LRRC28: variants seen among roughly 807,000 people sequenced by gnomAD.
LRRC28 encodes the protein leucine rich repeat containing 28.
A neutral mutation model predicts 45.7 loss-of-function variants in LRRC28; 39 were observed. That is an observed-to-expected ratio of 0.85 (90% CI 0.66 to 1.12). The LOEUF (loss-of-function observed/expected upper bound fraction) is 1.12. LRRC28 is among the 50% of genes most tolerant of loss of function. The probability of loss-of-function intolerance (pLI) is 0.00; values close to 1 mark genes in which losing one functional copy is unlikely to be tolerated. For synonymous variants in LRRC28, 206 were observed against 178.8 expected (o/e 1.15, Z -1.22); for missense variants, 435 against 438.5 (o/e 0.99, Z 0.07).
rs763243201 is a variant in LRRC28, at chr15:99,352,403, C to T, written c.627C>T (p.Tyr209=). The change falls in exon 7 of 10, where the codon TAC becomes TAT. Residue 209 remains tyrosine (Y), a synonymous_variant. Coordinates refer to ENST00000301981, the MANE Select transcript of LRRC28 (RefSeq NM_144598.5). ...GATCTCGAGAACTACAGTATGTATACGTGGATAACAACATTCACCTGAAAG... is the reference window on the plus strand; with the variant it reads ...GATCTCGAGAACTACAGTATGTATATGTGGATAACAACATTCACCTGAAAG... ...LGRSRELQYV[Y]VDNNIHLKGL... 3.1e-6 allele frequency: 5 copies of T among 1,613,748 alleles called. No homozygotes were observed. The highest frequency in any genetic ancestry group is 3.3e-5 in the Admixed American group (2 of 59,986).
At chr15:99,256,477 A>T (rs1202938366) in intron 2 of LRRC28, 1 of 159,990 alleles carries the variant, frequency 6.3e-6, no homozygotes, top group Non-Finnish European at 1.4e-5. Context: ...ATATTACAGC[A>T]TTCACCAGAC....
At chr15:99,310,566 T>G (rs1350947948) in intron 5 of LRRC28, among the ~76,000 whole-genome samples, 1 of 152,176 alleles carries the variant, frequency 6.6e-6, no homozygotes, top group Non-Finnish European at 1.5e-5. Context: ...CCTTATAATG[T>G]AATCATGCCA....
At chr15:99,332,524 G>A (rs763158961) in intron 5 of LRRC28, among the ~76,000 whole-genome samples, 18 of 152,300 alleles carry the variant, frequency 1.2e-4, no homozygotes, top group Admixed American at 2.6e-4. Context: ...GCAAAGATCA[G>A]CAAACCTTTT....
At chr15:99,343,306 G>A (rs1956576460) in intron 6 of LRRC28, among the ~76,000 whole-genome samples, 1 of 152,202 alleles carries the variant, frequency 6.6e-6, no homozygotes, top group African/African-American at 2.4e-5. Flanking sequence ...CACAGATCCT[G>A]TTCTGTCCTC....
rs570976843 is a variant in LRRC28, at chr15:99,343,382, GGA to G, written c.593-8985_593-8984del. Among the ~76,000 whole-genome samples the G allele has an allele frequency of 9.0e-3, 1,369 of 152,298 alleles. 9 individuals are homozygous for G. Among genetic ancestry groups the G allele is most frequent in the Non-Finnish European group, 0.015 (995 of 68,026 alleles). On this transcript the variant is annotated intron_variant, in intron 6 of 9. Coordinates refer to ENST00000301981, the MANE Select transcript of LRRC28 (RefSeq NM_144598.5). ...AAAAGGGCAGTAGCCTGAATACACAGGAGCTTTTTGTTCCATTTTCAGCCATG... is the reference window on the plus strand; with the variant it reads ...AAAAGGGCAGTAGCCTGAATACACAGGCTTTTTGTTCCATTTTCAGCCATG...
At chr15:99,259,172 G>A (rs750644132) in intron 2 of LRRC28, 4 of 1,196,794 alleles carry the variant, frequency 3.3e-6, no homozygotes, top group African/African-American at 1.5e-5. Context: ...TCATCCAGCT[G>A]ACATTACTAG....
At chr15:99,287,172 A>C (rs1244151706) in intron 3 of LRRC28, 85 bp from the exon 4 acceptor site, 13 of 1,185,046 alleles carry the variant, frequency 1.1e-5, no homozygotes, top group East Asian at 8.3e-5. Flanking sequence ...ATATTTGATA[A>C]ATTTCTAAGT....
At chr15:99,335,932 G>C (rs1386971845) in intron 6 of LRRC28, among the ~76,000 whole-genome samples, 1 of 152,156 alleles carries the variant, frequency 6.6e-6, no homozygotes, top group Non-Finnish European at 1.5e-5. Context: ...AGAGTTCAGA[G>C]TAAAGTTGCA....
At chr15:99,295,898 C>T (rs2082249321) in intron 5 of LRRC28, among the ~76,000 whole-genome samples, 1 of 152,154 alleles carries the variant, frequency 6.6e-6, no homozygotes, top group African/African-American at 2.4e-5. Flanking sequence ...TTTACTTTTT[C>T]TCCAGTTGAA....
At chr15:99,260,207 A>G (rs1458354869) in intron 2 of LRRC28, among the ~76,000 whole-genome samples, 2 of 152,168 alleles carry the variant, frequency 1.3e-5, no homozygotes, top group Non-Finnish European at 2.9e-5. Flanking sequence ...TACCTCATGA[A>G]TGTAAATTTG....
intron 3 of LRRC28, among the ~76,000 whole-genome samples, chr15:99,281,817 G>C (rs1352128040): frequency 6.6e-6 from 1 of 152,138 alleles, no homozygotes; most frequent in Non-Finnish European, 1.5e-5. Flanking sequence ...AGCTTTCCAG[G>C]ATCTCTCTTG....
chr15:99,347,008 C>T (rs1956704276), intron 6 of LRRC28, among the ~76,000 whole-genome samples: 1 of 152,140 alleles, frequency 6.6e-6, no homozygotes, highest in Admixed American at 6.5e-5. Flanking sequence ...TCTATCATCT[C>T]ACATAGTTTT....
At chr15:99,376,603 T>G (rs1957642252) in intron 9 of LRRC28, among the ~76,000 whole-genome samples, 1 of 152,200 alleles carries the variant, frequency 6.6e-6, no homozygotes, top group Non-Finnish European at 1.5e-5. Context: ...GTTACATATG[T>G]ATACATGTGC....
At chr15:99,295,407 T>C (rs1040605155) in intron 5 of LRRC28, among the ~76,000 whole-genome samples, 3 of 152,226 alleles carry the variant, frequency 2.0e-5, no homozygotes, top group Non-Finnish European at 4.4e-5. Flanking sequence ...AGAGAATTAC[T>C]GTGTACCTAG....
At chr15:99,365,799 A>G (rs924166550) in intron 9 of LRRC28, among the ~76,000 whole-genome samples, 2 of 152,252 alleles carry the variant, frequency 1.3e-5, no homozygotes, top group African/African-American at 4.8e-5. Context: ...AATTTAATAC[A>G]GAGTGAAGTA....
At chr15:99,322,781 A>G (rs907560133) in intron 5 of LRRC28, among the ~76,000 whole-genome samples, 19 of 152,158 alleles carry the variant, frequency 1.2e-4, no homozygotes, top group African/African-American at 7.2e-5. Flanking sequence ...GAGCTAAGGC[A>G]TGTTGTTGCA....
intron 5 of LRRC28, among the ~76,000 whole-genome samples, chr15:99,318,527 AT>A (rs1955677499): frequency 6.6e-6 from 1 of 152,066 alleles, no homozygotes; most frequent in Admixed American, 6.5e-5. Context: ...GCCACATTTC[AT>A]TTCTACCCTT....
intron 5 of LRRC28, among the ~76,000 whole-genome samples, chr15:99,298,740 G>A (rs940209001): frequency 6.6e-6 from 1 of 152,040 alleles, no homozygotes; most frequent in Non-Finnish European, 1.5e-5. Context: ...ATGGAGTCTC[G>A]CTCTGTTGCG....
At chr15:99,277,957 A>G (rs1376423129) in intron 3 of LRRC28, among the ~76,000 whole-genome samples, 1 of 152,044 alleles carries the variant, frequency 6.6e-6, no homozygotes, top group Non-Finnish European at 1.5e-5. Context: ...TTGTCATGTT[A>G]TATCTTCTAA....
Sources: allele counts gnomAD v4.1 joint callset (sites outside exome capture counted in the v4.1 genomes callset), GRCh38; gene constraint gnomAD v4.1.1; transcripts MANE v1.5; gene names NCBI Gene and HGNC (gene_info 2026-07-23, HGNC 2026-07-21).